SLC39A8: variants seen among roughly 807,000 people sequenced by gnomAD.
SLC39A8 encodes metal cation symporter ZIP8.
A neutral mutation model predicts 40.4 loss-of-function variants in SLC39A8; 15 were observed. That is an observed-to-expected ratio of 0.37 (90% CI 0.25 to 0.57). The LOEUF (loss-of-function observed/expected upper bound fraction) is 0.57, where lower values mean the gene tolerates loss of function less well. SLC39A8 is among the 20% of genes least tolerant of loss of function. The pLI is 0.75. For synonymous variants in SLC39A8, 223 were observed against 221.6 expected (o/e 1.01, Z -0.06); for missense variants, 472 against 558.8 (o/e 0.84, Z 1.57).
chr4:102,288,477 G>A (rs748767223), intron 6 of SLC39A8, among the ~76,000 whole-genome samples: 4 of 152,016 alleles, frequency 2.6e-5, no homozygotes, highest in Non-Finnish European at 5.9e-5. Context: ...ATGTGATCAG[G>A]TAAAAGGAGA....
At chr4:102,259,650 TCAA>T (rs1343687625), downstream of SLC39A8, 4 of 619,568 alleles carry the variant, frequency 6.5e-6, no homozygotes, top group Admixed American at 1.1e-4. Flanking sequence ...AACCCGAAAG[TCAA>T]CGATTTTAAT....
intron 2 of SLC39A8, among the ~76,000 whole-genome samples, chr4:102,330,262 A>G (rs557551528): frequency 4.8e-4 from 73 of 152,288 alleles, no homozygotes; most frequent in African/African-American, 1.6e-3. Context: ...TTAACAAAAT[A>G]GATAGATTGT....
intron 6 of SLC39A8, among the ~76,000 whole-genome samples, chr4:102,293,344 A>G (rs1414128789): frequency 6.6e-6 from 1 of 152,018 alleles, no homozygotes; most frequent in African/African-American, 2.4e-5. Flanking sequence ...AAGACAAATT[A>G]CCAACTATCA....
intron 2 of SLC39A8, among the ~76,000 whole-genome samples, chr4:102,328,746 C>T (rs1335996186): frequency 1.3e-5 from 2 of 152,104 alleles, no homozygotes; most frequent in Non-Finnish European, 2.9e-5. Flanking sequence ...ACTGCAGGGG[C>T]CGGGCACGGT....
chr4:102,318,056 GT>G (rs1734740409), intron 2 of SLC39A8, among the ~76,000 whole-genome samples: 1 of 152,162 alleles, frequency 6.6e-6, no homozygotes, highest in African/African-American at 2.4e-5. Flanking sequence ...GGATCATGAT[GT>G]AAAATGTATT....
At chr4:102,319,839 T>C (rs1302483328) in intron 2 of SLC39A8, among the ~76,000 whole-genome samples, 1 of 152,014 alleles carries the variant, frequency 6.6e-6, no homozygotes, top group Non-Finnish European at 1.5e-5. Context: ...CAGATGAGAT[T>C]AGCATTTGAA....
chr4:102,263,283 G>A, intron 8 of SLC39A8, 90 bp from the exon 9 acceptor site: 1 of 1,168,248 alleles, frequency 8.6e-7, no homozygotes, highest in Non-Finnish European at 1.2e-6. Context: ...GAGACAGTGT[G>A]GGTTTGGTTC....
chr4:102,272,061 A>G (rs1168409460), intron 6 of SLC39A8, among the ~76,000 whole-genome samples: 2 of 152,096 alleles, frequency 1.3e-5, no homozygotes, highest in Non-Finnish European at 2.9e-5. Flanking sequence ...GGTATAAGTC[A>G]GGCTCAGGGG....
chr4:102,334,444 G>T (rs1395524523), intron 2 of SLC39A8, among the ~76,000 whole-genome samples: 1 of 152,188 alleles, frequency 6.6e-6, no homozygotes, highest in Admixed American at 6.5e-5. Context: ...AACTTTGCAA[G>T]GTTAAAAACT....
intron 2 of SLC39A8, among the ~76,000 whole-genome samples, chr4:102,336,847 T>G (rs1306547226): frequency 6.6e-6 from 1 of 152,234 alleles, no homozygotes; most frequent in African/African-American, 2.4e-5. Flanking sequence ...GGGAATAATT[T>G]GAGAATAAAT....
At chr4:102,252,538 G>A (rs550059908) in exon 12 of SLC39A8, 1 of 152,262 alleles carries the variant, frequency 6.6e-6, no homozygotes, top group African/African-American at 2.4e-5. Context: ...ATTACTAGCA[G>A]TCAAAGAGCA....
intron 2 of SLC39A8, among the ~76,000 whole-genome samples, chr4:102,319,326 T>A (rs541893335): frequency 6.6e-6 from 1 of 152,102 alleles, no homozygotes; most frequent in South Asian, 2.1e-4. Flanking sequence ...ACAATTGAGA[T>A]CTGGTTATAA....
chr4:102,263,274 A>T (rs1560524337), intron 8 of SLC39A8, 81 bp from the exon 9 acceptor site: 3 of 1,256,736 alleles, frequency 2.4e-6, no homozygotes, highest in East Asian at 4.6e-5. Context: ...CATACCTTGG[A>T]GACAGTGTGG....
At chr4:102,297,220 G>A (rs1733716733) in intron 6 of SLC39A8, among the ~76,000 whole-genome samples, 1 of 148,616 alleles carries the variant, frequency 6.7e-6, no homozygotes. Context: ...TTAACAAATG[G>A]AAACAATAGG....
chr4:102,317,870 C>A (rs1399654084), intron 2 of SLC39A8, among the ~76,000 whole-genome samples: 1 of 152,168 alleles, frequency 6.6e-6, no homozygotes, highest in East Asian at 1.9e-4. Flanking sequence ...CTTTTTCAGA[C>A]TCAAATTGTA....
intron 7 of SLC39A8, 77 bp from the exon 8 acceptor site, chr4:102,267,751 G>A (rs1045355014): frequency 7.3e-6 from 11 of 1,514,638 alleles, no homozygotes; most frequent in Non-Finnish European, 9.8e-6. Flanking sequence ...AATCATCAAT[G>A]TCCAACAAGG....
intron 2 of SLC39A8, among the ~76,000 whole-genome samples, chr4:102,325,245 A>C (rs1444883223): frequency 6.6e-6 from 1 of 152,176 alleles, no homozygotes; most frequent in Non-Finnish European, 1.5e-5. Context: ...CTATAAAAAT[A>C]ATCTCTAGGT....
At chr4:102,314,991 C>A (rs1734595017) in intron 3 of SLC39A8, among the ~76,000 whole-genome samples, 1 of 152,072 alleles carries the variant, frequency 6.6e-6, no homozygotes, top group Non-Finnish European at 1.5e-5. Context: ...CTTTAAAATT[C>A]CAACATAATT....
intron 11 of SLC39A8, among the ~76,000 whole-genome samples, chr4:102,253,797 T>TA (rs1246675087): frequency 6.6e-6 from 1 of 152,200 alleles, no homozygotes; most frequent in Non-Finnish European, 1.5e-5. Flanking sequence ...GTATATGTTA[T>TA]ATATACATAC....
Sources: gnomAD v4.1 joint callset for allele counts (sites outside exome capture counted in the v4.1 genomes callset) on GRCh38, gnomAD v4.1.1 for gene constraint, MANE v1.5 for transcripts, NCBI Gene and HGNC (gene_info 2026-07-23, HGNC 2026-07-21) for gene names.